IQSEC1: variants seen among roughly 807,000 people sequenced by gnomAD.
IQSEC1 encodes IQ motif and Sec7 domain ArfGEF 1.
A neutral mutation model predicts 91.0 loss-of-function variants in IQSEC1; 31 were observed. The ratio of observed to expected loss-of-function variants is 0.34; its 90% confidence interval spans 0.26 to 0.46. The LOEUF is 0.46. IQSEC1 is among the 20% of genes least tolerant of loss of function. The pLI is 1.00. For synonymous variants in IQSEC1, 699 were observed against 662.6 expected, an observed-to-expected ratio of 1.05 and a Z score of -0.84; for missense variants, 1,388 against 1,575.6, an observed-to-expected ratio of 0.88 and a Z score of 2.02.
intron 1 of IQSEC1, among the ~76,000 whole-genome samples, chr3:13,233,287 G>A (rs1475774144): frequency 1.3e-5 from 2 of 151,976 alleles, no homozygotes; most frequent in Non-Finnish European, 2.9e-5. Context: ...CCAGATGCAA[G>A]TGTTCTGGGA....
intron 9 of IQSEC1, 141 bp from the exon 10 acceptor site, chr3:12,911,869 C>T: frequency 1.5e-6 from 1 of 673,538 alleles, no homozygotes; most frequent in Admixed American, 2.2e-5. Context: ...CATGGGCTTC[C>T]ACTCCAAGAC....
intron 12 of IQSEC1, among the ~76,000 whole-genome samples, chr3:12,907,596 C>A (rs771717816): frequency 6.6e-6 from 1 of 152,236 alleles, no homozygotes; most frequent in Non-Finnish European, 1.5e-5. Flanking sequence ...ACCCACCGGT[C>A]GGCCAGTGCC....
intron 1 of IQSEC1, among the ~76,000 whole-genome samples, chr3:13,173,396 G>T (rs1576282012): frequency 6.6e-6 from 1 of 152,306 alleles, no homozygotes; most frequent in Non-Finnish European, 1.5e-5. Context: ...CTGCAGCCCG[G>T]GCTCCCCCGG....
At chr3:13,106,181 T>A (rs538296847) in intron 2 of IQSEC1, among the ~76,000 whole-genome samples, 2 of 152,240 alleles carry the variant, frequency 1.3e-5, no homozygotes, top group South Asian at 4.2e-4. Context: ...AAGCCTTCCA[T>A]AATCTCAGCC....
At chr3:13,224,273 C>T (rs577581353) in intron 1 of IQSEC1, among the ~76,000 whole-genome samples, 3 of 152,216 alleles carry the variant, frequency 2.0e-5, no homozygotes, top group Admixed American at 6.5e-5. Flanking sequence ...CCTGCCCGAA[C>T]CCAGGAGGTC....
At chr3:13,000,795 C>CTGG (rs1702388648) in intron 1 of IQSEC1, among the ~76,000 whole-genome samples, 1 of 152,218 alleles carries the variant, frequency 6.6e-6, no homozygotes, top group African/African-American at 2.4e-5. Context: ...CTTCCATGAA[C>CTGG]TGGTACCCAC....
chr3:13,265,214 GC>G (rs1160946641), intron 1 of IQSEC1, among the ~76,000 whole-genome samples: 2 of 152,166 alleles, frequency 1.3e-5, no homozygotes, highest in Middle Eastern at 3.2e-3. Flanking sequence ...ATCCCTGCCG[GC>G]CCCACCACAG....
In IQSEC1 at chr3:12,922,261, G is replaced by C; in HGVS notation, c.1731-19C>G. ...GACGCAGCTGGAATAGAGACAGACA[G>C]CCCCGCATAAGCACCCCTTGCAGGT... On this transcript the variant is annotated intron_variant, in intron 4 of 13. Transcript: ENST00000613206. This position sits in a 1 kb window ranked among gnomAD's most constrained non-coding sequence, Gnocchi z 5.1. The C allele has an allele frequency of 6.4e-7, 1 of 1,559,466 alleles. No individual in the cohort carries two copies. Among genetic ancestry groups the C allele is most frequent in the Non-Finnish European group, 8.7e-7 (1 of 1,143,162 alleles).
intron 2 of IQSEC1, among the ~76,000 whole-genome samples, chr3:13,108,582 C>T (rs747046173): frequency 1.2e-4 from 18 of 152,056 alleles, no homozygotes; most frequent in Non-Finnish European, 2.4e-4. Flanking sequence ...CACCCCCCTA[C>T]ATTGTGAGCT....
At chr3:13,060,699 C>T (rs1297646638) in intron 1 of IQSEC1, among the ~76,000 whole-genome samples, 2 of 152,200 alleles carry the variant, frequency 1.3e-5, no homozygotes, top group African/African-American at 2.4e-5. Context: ...TATGTCTGGC[C>T]AGCAGCATCA....
intron 6 of IQSEC1, among the ~76,000 whole-genome samples, chr3:12,916,036 C>T (rs1559617809): frequency 1.3e-5 from 2 of 152,170 alleles, no homozygotes; most frequent in South Asian, 4.1e-4. Context: ...CACAGCCCTT[C>T]GAAGTGGGTA....
intron 1 of IQSEC1, among the ~76,000 whole-genome samples, chr3:13,199,355 G>C (rs901621965): frequency 1.3e-5 from 2 of 152,216 alleles, no homozygotes; most frequent in Non-Finnish European, 2.9e-5. Flanking sequence ...CTGAGAAAAT[G>C]GGCGTGGGCC....
chr3:13,244,557 C>A (rs944858689), intron 1 of IQSEC1, among the ~76,000 whole-genome samples: 2 of 152,046 alleles, frequency 1.3e-5, no homozygotes, highest in Non-Finnish European at 2.9e-5. Context: ...ATAACGTAAC[C>A]CCAGAGAGTG....
intron 2 of IQSEC1, among the ~76,000 whole-genome samples, chr3:13,089,915 A>G (rs541310408): frequency 1.5e-3 from 226 of 152,344 alleles, no homozygotes; most frequent in Non-Finnish European, 2.9e-3. Context: ...GTACACTTTT[A>G]AAAACACTGT....
intron 1 of IQSEC1, among the ~76,000 whole-genome samples, chr3:13,203,541 T>A (rs1576293675): frequency 6.6e-6 from 1 of 151,666 alleles, no homozygotes; most frequent in Admixed American, 6.6e-5. Context: ...GAACAGGAGG[T>A]CTGCAGGGTG....
intron 1 of IQSEC1, among the ~76,000 whole-genome samples, chr3:13,241,049 C>G (rs1231194143): frequency 6.6e-6 from 1 of 152,228 alleles, no homozygotes; most frequent in Non-Finnish European, 1.5e-5. Flanking sequence ...AAACCAGGCA[C>G]TTGATGGTCT....
intron 2 of IQSEC1, among the ~76,000 whole-genome samples, chr3:13,097,298 T>C (rs1189525513): frequency 1.3e-5 from 2 of 152,174 alleles, no homozygotes; most frequent in Admixed American, 1.3e-4. Flanking sequence ...AGAGCTGGGA[T>C]TCGAATCCAG....
At chr3:13,064,894 T>C (rs1200819599) in intron 1 of IQSEC1, among the ~76,000 whole-genome samples, 1 of 152,206 alleles carries the variant, frequency 6.6e-6, no homozygotes, top group African/African-American at 2.4e-5. Context: ...TGGGGCCCAC[T>C]GTCAAAGAGA....
chr3:13,047,272 C>G (rs934988888), intron 1 of IQSEC1, among the ~76,000 whole-genome samples: 2 of 152,162 alleles, frequency 1.3e-5, no homozygotes, highest in African/African-American at 4.8e-5. Flanking sequence ...TTTGGGGGGA[C>G]CTTGATTTGA....
Sources: allele counts gnomAD v4.1 joint callset (sites outside exome capture counted in the v4.1 genomes callset), GRCh38; gene constraint gnomAD v4.1.1; non-coding constraint Gnocchi (gnomAD v3.1); transcripts MANE v1.5; gene names NCBI Gene and HGNC (gene_info 2026-07-23, HGNC 2026-07-21).